Variants in ZNF469 observed in about 807,000 individuals in gnomAD.
ZNF469 encodes zinc finger protein 469.
Under a neutral mutation model 1.0 loss-of-function variants are expected in ZNF469, and 1 was observed. The observed-to-expected ratio is 1.00, with a 90% CI of 0.35 to 4.73. The LOEUF (loss-of-function observed/expected upper bound fraction) is 4.73, where lower values mean the gene tolerates loss of function less well. Among genes scored for constraint, ZNF469 ranks in the 30% most tolerant of loss-of-function variants. ZNF469 has a pLI of 0.16. For missense variants in ZNF469, 6,100 were observed against 5,356.3 expected (o/e 1.14, Z -4.33); for synonymous variants, 2,703 against 2,363.4 (o/e 1.14, Z -4.17).
the ZNF469 span, among the ~76,000 whole-genome samples, chr16:88,173,606 T>C: frequency 6.6e-6 from 1 of 152,170 alleles, no homozygotes; most frequent in Non-Finnish European, 1.5e-5. Flanking sequence ...GATAAACGCA[T>C]TTTCCTCAAT....
At chr16:88,398,427 C>A (rs1408205756) in intron 1 of ZNF469, among the ~76,000 whole-genome samples, 1 of 150,658 alleles carries the variant, frequency 6.6e-6, no homozygotes, top group African/African-American at 2.5e-5. Flanking sequence ...ACATGTGGGC[C>A]ACGGATGAAG....
At chr16:88,333,742 GC>G in the ZNF469 span, among the ~76,000 whole-genome samples, 5 of 137,120 alleles carry the variant, frequency 3.6e-5, no homozygotes, top group South Asian at 1.2e-3. Context: ...GCGAGGTGGG[GC>G]TGGTAGTAAA....
At chr16:88,120,188 G>A in the ZNF469 span, among the ~76,000 whole-genome samples, 1 of 152,170 alleles carries the variant, frequency 6.6e-6, no homozygotes, top group Non-Finnish European at 1.5e-5. Context: ...GAACTGCCCC[G>A]TGGTTGCCGA....
the ZNF469 span, among the ~76,000 whole-genome samples, chr16:88,164,640 C>T: frequency 6.6e-6 from 1 of 152,204 alleles, no homozygotes; most frequent in Non-Finnish European, 1.5e-5. Context: ...TTCATGACAG[C>T]ACAGTGCCTT....
chr16:88,274,909 C>A, the ZNF469 span, among the ~76,000 whole-genome samples: 4 of 152,252 alleles, frequency 2.6e-5, no homozygotes, highest in African/African-American at 7.2e-5. Context: ...CCCCAGGCAA[C>A]AGCCGAGCTG....
At chr16:88,380,645 TCATA>T (rs1269022849), upstream of ZNF469, among the ~76,000 whole-genome samples, 2 of 72,194 alleles carry the variant, frequency 2.8e-5, no homozygotes, top group African/African-American at 5.7e-5. Context: ...ACACATGCAC[TCATA>T]CACACACAGA....
chr16:88,154,269 C>T, the ZNF469 span, among the ~76,000 whole-genome samples: 3 of 152,162 alleles, frequency 2.0e-5, no homozygotes, highest in Admixed American at 6.5e-5. Context: ...GTGATTCTCC[C>T]GCCTCAGCCT....
the ZNF469 span, among the ~76,000 whole-genome samples, chr16:88,335,609 C>T: frequency 6.6e-6 from 1 of 152,248 alleles, no homozygotes; most frequent in African/African-American, 2.4e-5. Context: ...ACTGTTCAGG[C>T]ATTGCCAAGT....
At chr16:88,261,087 G>A in the ZNF469 span, among the ~76,000 whole-genome samples, 19 of 152,244 alleles carry the variant, frequency 1.2e-4, no homozygotes, top group South Asian at 4.2e-4. The surrounding 1 kb of genome is among the most constrained non-coding windows in gnomAD (Gnocchi z 6.0). Flanking sequence ...GCTGGGATGC[G>A]GTCCGGAGAG....
At chr16:88,110,175 A>G in the ZNF469 span, among the ~76,000 whole-genome samples, 2 of 152,138 alleles carry the variant, frequency 1.3e-5, no homozygotes, top group Non-Finnish European at 2.9e-5. Flanking sequence ...CCCCTCCCCA[A>G]ATCACCCAGG....
chr16:88,422,092 G>A (rs539767877), intron 1 of ZNF469, among the ~76,000 whole-genome samples: 27 of 150,488 alleles, frequency 1.8e-4, no homozygotes, highest in African/African-American at 6.2e-4. Context: ...TGACTGGGTG[G>A]ATGGATGGAT....
In ZNF469 at chr16:88,435,192, C is replaced by T. The variant is rs1906483501; in HGVS notation, c.7722C>T (p.His2574=). The T allele has an allele frequency of 6.5e-7, 1 of 1,550,264 alleles. No homozygotes were observed. The highest frequency in any genetic ancestry group is 1.4e-5 in the African/African-American group (1 of 73,058). ...GGTCCCCACACAGCCAGCAGCTGCA[C>T]CCTCCAAGCCCTACTGAGCATGAGG... ...APGSPHSQQL[H]PPSPTEHEVD... The change falls in exon 3 of 3, where the codon CAC becomes CAT. Residue 2574 remains histidine (H), a synonymous_variant. Coordinates refer to ENST00000565624, the MANE Select transcript of ZNF469 (RefSeq NM_001367624.2).
At chr16:88,181,297 C>T in the ZNF469 span, among the ~76,000 whole-genome samples, 1 of 151,976 alleles carries the variant, frequency 6.6e-6, no homozygotes, top group South Asian at 2.1e-4. Flanking sequence ...GTGTTGATCT[C>T]CTGACCTCGT....
chr16:88,308,130 A>G, the ZNF469 span, among the ~76,000 whole-genome samples: 4 of 152,328 alleles, frequency 2.6e-5, no homozygotes, highest in African/African-American at 9.6e-5. Context: ...CCCTTGTTGG[A>G]AATCAGTGGA....
At chr16:88,221,867 C>T in the ZNF469 span, among the ~76,000 whole-genome samples, 33 of 152,278 alleles carry the variant, frequency 2.2e-4, no homozygotes, top group Non-Finnish European at 4.1e-4. Context: ...TCTGCTGTCC[C>T]GTGGATTTTC....
the ZNF469 span, among the ~76,000 whole-genome samples, chr16:88,322,257 AAATCGGAGGCCAGGTG>A: frequency 1.3e-5 from 2 of 152,208 alleles, no homozygotes; most frequent in African/African-American, 4.8e-5. Context: ...AGTCCCCAGG[AAATCGGAGGCCAGGTG>A]AATCGGAACT....
chr16:88,292,342 C>T, the ZNF469 span, among the ~76,000 whole-genome samples: 1,023 of 152,220 alleles, frequency 6.7e-3, 8 homozygotes, highest in African/African-American at 0.023. Flanking sequence ...CCACAGGAGC[C>T]GGGACATTGG....
the ZNF469 span, among the ~76,000 whole-genome samples, chr16:88,194,000 CAAAT>C: frequency 6.6e-6 from 1 of 152,192 alleles, no homozygotes; most frequent in East Asian, 1.9e-4. Flanking sequence ...AGGATTTCAA[CAAAT>C]GAATGTGGAG....
At chr16:88,199,241 G>A in the ZNF469 span, among the ~76,000 whole-genome samples, 1 of 152,254 alleles carries the variant, frequency 6.6e-6, no homozygotes, top group Non-Finnish European at 1.5e-5. Flanking sequence ...GGTCCCCAGA[G>A]GTCTGCCCTG....
Sources: gnomAD v4.1 joint callset for allele counts (sites outside exome capture counted in the v4.1 genomes callset) on GRCh38, gnomAD v4.1.1 for gene constraint, Gnocchi (gnomAD v3.1) non-coding constraint, MANE v1.5 for transcripts, NCBI Gene and HGNC (gene_info 2026-07-23, HGNC 2026-07-21) for gene names.